Variants in CCDC77 observed in about 807,000 individuals in gnomAD.
CCDC77 encodes coiled-coil domain-containing protein 77.
In CCDC77, 56 loss-of-function variants were observed where a neutral mutation model predicts 66.8. The ratio of observed to expected loss-of-function variants is 0.84; its 90% CI spans 0.68 to 1.05. The LOEUF is 1.05. CCDC77 is among the 50% of genes least tolerant of loss of function. CCDC77 has a pLI of 0.00. For synonymous variants in CCDC77, 196 were observed against 195.2 expected (o/e 1.00, Z -0.03); for missense variants, 570 against 576.8 (o/e 0.99, Z 0.12).
chr12:389,572 A>AGGCGGGGCGAGGCGGG lies in CCDC77; in HGVS notation c.-113+86_-113+87insGGCGGGGCGAGGCGGG, dbSNP rs1565557568. 16 of 39,124 alleles carry AGGCGGGGCGAGGCGGG rather than the reference A, an allele frequency of 4.1e-4. 1 individual carries two copies. Among genetic ancestry groups the AGGCGGGGCGAGGCGGG allele is most frequent in the Middle Eastern group, 8.1e-3 (1 of 124 alleles). The allele number at this position is 39,124 out of a possible 1,614,324, so 2.4% of individuals were successfully genotyped here. On this transcript the variant is annotated intron_variant, in intron 1 of 11. Transcript: ENST00000422000. Reference sequence around the variant, plus strand: ...GACGGGGCGAGGCGGGGCGAGGCGCAACGAGGCGGGGCGAGGCGCGACGCG... The same window carrying AGGCGGGGCGAGGCGGG: ...GACGGGGCGAGGCGGGGCGAGGCGCAGGCGGGGCGAGGCGGGACGAGGCGGGGCGAGGCGCGACGCG...
At chr12:401,504 G>C (rs1296944714), upstream of CCDC77, 4 of 152,312 alleles carry the variant, frequency 2.6e-5, no homozygotes, top group African/African-American at 9.6e-5. Flanking sequence ...AGCACCGCGA[G>C]GAGGGGCGAG....
In CCDC77 at chr12:410,814, C is replaced by T. The variant is rs535479949; in HGVS notation, c.39-933C>T. 1.7e-3 allele frequency among the ~76,000 whole-genome samples: 264 copies of T among 152,176 alleles called. 2 individuals are homozygous for T. Among genetic ancestry groups the T allele is most frequent in the South Asian group, 0.011 (52 of 4,828 alleles). ...GCCCGCCTTGGCCTCCCAAAGTGGT[C>T]GGATTACAGGCATGAGCCACTGCAC... is the stretch of plus-strand genomic sequence containing the variant. On this transcript the variant is annotated intron_variant, in intron 3 of 12. Transcript: ENST00000239830.
At chr12:437,683 C>A (rs1443288105) in intron 9 of CCDC77, among the ~76,000 whole-genome samples, 2 of 151,698 alleles carry the variant, frequency 1.3e-5, no homozygotes, top group African/African-American at 2.4e-5. Context: ...CATCTCCACA[C>A]ACACACAAAT....
chr12:428,703 A>T, intron 5 of CCDC77, 66 bp from the exon 6 acceptor site: 2 of 1,077,536 alleles, frequency 1.9e-6, no homozygotes, highest in Non-Finnish European at 2.7e-6. Flanking sequence ...GAGATCCTTT[A>T]AACAGAAAAA....
intron 4 of CCDC77, among the ~76,000 whole-genome samples, chr12:412,664 G>A (rs1945135850): frequency 6.6e-6 from 1 of 152,206 alleles, no homozygotes. Flanking sequence ...GATGTGCAGA[G>A]TCACTCCTGA....
At chr12:390,935 T>C (rs1032718861) in intron 1 of CCDC77, among the ~76,000 whole-genome samples, 6 of 152,188 alleles carry the variant, frequency 3.9e-5, no homozygotes, top group African/African-American at 1.4e-4. Flanking sequence ...ATGGTGGTCT[T>C]AGCATTCTAA....
At chr12:439,399 A>G (rs1245241190) in intron 10 of CCDC77, among the ~76,000 whole-genome samples, 1 of 151,832 alleles carries the variant, frequency 6.6e-6, no homozygotes. Context: ...GGGCACCTGT[A>G]ATCCCAGTTA....
upstream of CCDC77, among the ~76,000 whole-genome samples, chr12:401,369 C>T (rs894182389): frequency 6.6e-6 from 1 of 152,236 alleles, no homozygotes; most frequent in Non-Finnish European, 1.5e-5. Flanking sequence ...GAAAGTGGTG[C>T]GTTCTGACCC....
chr12:440,465 G>A (rs909784219), intron 10 of CCDC77, 152 bp from the exon 11 acceptor site: 1 of 778,786 alleles, frequency 1.3e-6, no homozygotes, highest in Non-Finnish European at 2.0e-6. Context: ...TAGATTTTCA[G>A]ATGTTCCTCA....
Position 423,479 on chromosome 12 carries a change from G to GTTTTTTT in CCDC77, c.413+4846_413+4852dup, listed in dbSNP as rs1289177296. On this transcript the variant is annotated intron_variant, in intron 5 of 12. Transcript: ENST00000239830. ...TCTGGGTGTTTTTTGTGTTTTTTGTGTTTTTTTTTGTTTTGTTTTTTTTTT... is the reference window on the plus strand; with the variant it reads ...TCTGGGTGTTTTTTGTGTTTTTTGTGTTTTTTTTTTTTTTTTGTTTTGTTTTTTTTTT... Among the ~76,000 whole-genome samples, 24 of 21,226 alleles carry GTTTTTTT rather than the reference G, an allele frequency of 1.1e-3. 1 individual carries two copies. The highest frequency in any genetic ancestry group is 3.4e-3 in the African/African-American group (21 of 6,206). The allele number at this position is 21,226 out of a possible 152,430, so 13.9% of individuals were successfully genotyped here.
intron 5 of CCDC77, among the ~76,000 whole-genome samples, chr12:424,646 A>G (rs551775335): frequency 2.0e-5 from 3 of 152,038 alleles, no homozygotes; most frequent in African/African-American, 7.2e-5. Context: ...TTTAATTTTT[A>G]TGAAGTTCAA....
chr12:433,474 T>C (rs1014264618), intron 9 of CCDC77, 152 bp downstream of exon 9: 6 of 1,422,842 alleles, frequency 4.2e-6, no homozygotes, highest in Non-Finnish European at 5.5e-6. Context: ...TCTACGTAGG[T>C]GAGTACCTCG....
At position 433,300 on chromosome 12, in the gene CCDC77, A is replaced by G. The variant is rs1945685547; in HGVS notation, c.799A>G (p.Lys267Glu). The G allele has an allele frequency of 6.2e-7, 1 of 1,613,972 alleles. No individual in the cohort carries two copies. Among genetic ancestry groups the G allele is most frequent in the Non-Finnish European group, 8.5e-7 (1 of 1,179,996 alleles). Reference protein sequence around the residue: ...IQVQHQRNQNKIKELTKNLHH... With the variant: ...IQVQHQRNQNEIKELTKNLHH... ...AGTTCAGCACCAGAGAAATCAGAAC[A>G]AAATCAAAGAGCTAACCAAAAAGTG... The change falls in exon 9 of 13, where the codon AAA becomes GAA. Residue 267 changes from lysine to glutamate, a missense_variant. Lys to Glu is a moderately conservative substitution (Grantham distance 56). Transcript: ENST00000239830.
upstream of CCDC77, among the ~76,000 whole-genome samples, chr12:397,935 C>T (rs568989684): frequency 6.8e-4 from 103 of 152,206 alleles, no homozygotes; most frequent in African/African-American, 2.4e-3. Context: ...CGTGAGCCAC[C>T]GCGACTGGCC....
At chr12:413,928 G>A (rs1014377336) in intron 4 of CCDC77, among the ~76,000 whole-genome samples, 46 of 150,728 alleles carry the variant, frequency 3.1e-4, no homozygotes, top group Non-Finnish European at 3.4e-4. Flanking sequence ...GCGCCCAGCT[G>A]GGAAATGTCT....
chr12:408,557 G>A (rs1945042880), intron 2 of CCDC77, among the ~76,000 whole-genome samples: 1 of 152,094 alleles, frequency 6.6e-6, no homozygotes. Context: ...TGGGGGCAGG[G>A]GAAGTCAATA....
intron 1 of CCDC77, among the ~76,000 whole-genome samples, chr12:392,289 A>G (rs758774973): frequency 6.6e-6 from 1 of 152,208 alleles, no homozygotes; most frequent in African/African-American, 2.4e-5. Flanking sequence ...CTGGATTTTT[A>G]AAAAATGCAA....
intron 2 of CCDC77, among the ~76,000 whole-genome samples, chr12:408,653 C>A (rs899934798): frequency 6.6e-6 from 1 of 152,102 alleles, no homozygotes; most frequent in Non-Finnish European, 1.5e-5. Flanking sequence ...AGGTACGGGC[C>A]ACTGCACCTC....
At chr12:408,063 A>T (rs1945033309) in intron 2 of CCDC77, among the ~76,000 whole-genome samples, 2 of 152,154 alleles carry the variant, frequency 1.3e-5, no homozygotes, top group Admixed American at 1.3e-4. Context: ...CTGGGATTAC[A>T]GGCATGAGCC....
Sources: gnomAD v4.1 joint callset for allele counts (sites outside exome capture counted in the v4.1 genomes callset) on GRCh38, gnomAD v4.1.1 for gene constraint, MANE v1.5 for transcripts, NCBI Gene and HGNC (gene_info 2026-07-23, HGNC 2026-07-21) for gene names.